HLF: variants seen among roughly 807,000 people sequenced by gnomAD.
HLF encodes the protein HLF transcription factor, PAR bZIP family member.
In HLF, 3 loss-of-function variants were observed where a neutral mutation model predicts 22.6. The observed-to-expected ratio is 0.13, with a 90% CI of 0.06 to 0.34. The LOEUF is 0.34. HLF is among the 10% of genes least tolerant of loss of function. The pLI is 1.00. For missense variants in HLF, 299 were observed against 389.2 expected (o/e 0.77, Z 1.95); for synonymous variants, 151 against 151.8 (o/e 0.99, Z 0.04).
intron 2 of HLF, among the ~76,000 whole-genome samples, chr17:55,289,160 T>C (rs957430190): frequency 2.6e-5 from 4 of 152,220 alleles, no homozygotes; most frequent in Non-Finnish European, 4.4e-5. Context: ...GTTTACAGAA[T>C]GGCATGTCTC....
chr17:55,316,593 A>G (rs1044558905), intron 3 of HLF, among the ~76,000 whole-genome samples: 1 of 152,232 alleles, frequency 6.6e-6, no homozygotes, highest in Non-Finnish European at 1.5e-5. Flanking sequence ...TTTGTCCAAA[A>G]TTACCACTTG....
intron 2 of HLF, among the ~76,000 whole-genome samples, chr17:55,299,153 A>C (rs1010740765): frequency 1.5e-4 from 23 of 152,238 alleles, no homozygotes; most frequent in African/African-American, 5.5e-4. Flanking sequence ...CGTACCCCAA[A>C]TGAGATGCCA....
chr17:55,319,479 G>C (rs557385629), intron 3 of HLF, among the ~76,000 whole-genome samples: 1 of 151,804 alleles, frequency 6.6e-6, no homozygotes, highest in East Asian at 2.0e-4. Context: ...CACCATCAGT[G>C]AATTGGGAAG....
At chr17:55,283,170 A>C (rs1269120059) in intron 2 of HLF, among the ~76,000 whole-genome samples, 1 of 152,030 alleles carries the variant, frequency 6.6e-6, no homozygotes, top group Non-Finnish European at 1.5e-5. Context: ...CCCAGGGCCC[A>C]CTGCTGGCTC....
At chr17:55,308,703 G>A (rs1904692822) in intron 2 of HLF, among the ~76,000 whole-genome samples, 1 of 152,206 alleles carries the variant, frequency 6.6e-6, no homozygotes, top group South Asian at 2.1e-4. Flanking sequence ...TATTGTGGGT[G>A]TAAACACTCT....
intron 2 of HLF, among the ~76,000 whole-genome samples, chr17:55,270,895 G>T (rs1009251852): frequency 2.0e-5 from 3 of 152,108 alleles, no homozygotes; most frequent in Admixed American, 6.5e-5. Context: ...GCCCGCCTCG[G>T]CCTCCCAAAG....
intron 2 of HLF, among the ~76,000 whole-genome samples, chr17:55,309,967 C>T (rs1904755791): frequency 6.6e-6 from 1 of 152,192 alleles, no homozygotes. Context: ...TTGATGGCTG[C>T]TTGCTAATGA....
At chr17:55,313,537 G>A (rs536598165) in intron 2 of HLF, among the ~76,000 whole-genome samples, 1 of 152,278 alleles carries the variant, frequency 6.6e-6, no homozygotes, top group African/African-American at 2.4e-5. Flanking sequence ...GCACATGCCT[G>A]TGTAAGAATG....
intron 1 of HLF, among the ~76,000 whole-genome samples, chr17:55,266,466 C>G (rs958849263): frequency 6.6e-6 from 1 of 152,172 alleles, no homozygotes; most frequent in African/African-American, 2.4e-5. Context: ...GCGAACCGTG[C>G]GGCTCACAGT....
intron 2 of HLF, among the ~76,000 whole-genome samples, chr17:55,273,302 A>T (rs1432269806): frequency 6.6e-6 from 1 of 152,178 alleles, no homozygotes; most frequent in African/African-American, 2.4e-5. Flanking sequence ...ATAAGATCGC[A>T]TGTGACAAGT....
chr17:55,300,511 A>T lies in HLF; in HGVS notation c.452-14716A>T, dbSNP rs754116340. ...TAGGCTTCTTCATCTGGGCATCTGAAACTCAATGGATCCACAATGAGACAT... is the reference window on the plus strand; with the variant it reads ...TAGGCTTCTTCATCTGGGCATCTGATACTCAATGGATCCACAATGAGACAT... On this transcript the variant is annotated intron_variant, in intron 2 of 3. Transcript: ENST00000226067. 2.5e-4 allele frequency among the ~76,000 whole-genome samples: 38 copies of T among 152,184 alleles called. 1 individual carries two copies. The highest frequency in any genetic ancestry group is 3.2e-3 in the Middle Eastern group (1 of 316).
intron 2 of HLF, among the ~76,000 whole-genome samples, chr17:55,276,886 G>A (rs538095943): frequency 6.6e-4 from 100 of 152,316 alleles, no homozygotes; most frequent in African/African-American, 2.1e-3. Context: ...TGGCAAGCCA[G>A]GATTTCCTTA....
rs575311520 is a variant in HLF at position 55,298,355 on chromosome 17, C to T, written c.452-16872C>T. Reference sequence around the variant, plus strand: ...TCCTGGTGGGCATGGGCTTGAGAAGCTGAAAGAAGACGCATGGAACTCAGA... The same window carrying T: ...TCCTGGTGGGCATGGGCTTGAGAAGTTGAAAGAAGACGCATGGAACTCAGA... On this transcript the variant is annotated intron_variant, in intron 2 of 3. Coordinates refer to ENST00000226067, the MANE Select transcript of HLF (RefSeq NM_002126.5). 1.8e-3 allele frequency among the ~76,000 whole-genome samples: 278 copies of T among 152,220 alleles called. 1 individual carries two copies. Among genetic ancestry groups the T allele is most frequent in the African/African-American group, 6.4e-3 (266 of 41,514 alleles).
In HLF at chr17:55,321,050, C is replaced by T; in HGVS notation, c.*171C>T. On this transcript the variant is annotated 3_prime_UTR_variant, in exon 4 of 4. Transcript: ENST00000226067. ...GTGTGTGCGTGTATATGTGCTTGTG[C>T]TCATGTGTGTGGTCAGCGGTATGTG... The T allele has an allele frequency of 5.0e-6, 3 of 605,752 alleles. No homozygotes were observed. Among genetic ancestry groups the T allele is most frequent in the Non-Finnish European group, 5.9e-6 (2 of 337,030 alleles). The allele number at this position is 605,752 out of a possible 1,614,324, so 37.5% of individuals were successfully genotyped here.
In HLF at chr17:55,275,988, G is replaced by A. The variant is rs2080901328; in HGVS notation, c.451+7902G>A. Among the ~76,000 whole-genome samples the A allele has an allele frequency of 2.0e-5, 3 of 152,240 alleles. No homozygotes were observed. In the South Asian group the frequency reaches 6.2e-4, roughly 32 times the overall value. The stretch of plus-strand genomic sequence containing the variant: ...CTGGATATGGTGGCACGTGCCTGTA[G>A]TCTTGGCTACTTGGGAGGCTGAGGC... On this transcript the variant is annotated intron_variant, in intron 2 of 3. Transcript: ENST00000226067.
chr17:55,267,260 T>C (rs973471022), intron 1 of HLF, among the ~76,000 whole-genome samples: 24 of 152,152 alleles, frequency 1.6e-4, no homozygotes, highest in African/African-American at 5.6e-4. Flanking sequence ...TAAAGAAGGG[T>C]GGAAGGTCCC....
In HLF at chr17:55,315,212, C is replaced by G; in HGVS notation, c.452-15C>G. On this transcript the variant is annotated splice_polypyrimidine_tract_variant and intron_variant, in intron 2 of 3. Transcript: ENST00000226067. ...TCTAGGGTGTTCATGAATTAAAACT[C>G]CTGTGTTGTTCCAGGTCAGCTGTTG... 1 of 1,610,136 alleles carries G rather than the reference C, an allele frequency of 6.2e-7. No homozygotes were observed. The highest frequency in any genetic ancestry group is 8.5e-7 in the Non-Finnish European group (1 of 1,176,670).
At position 55,267,732 on chromosome 17, in the gene HLF, G is replaced by T; in HGVS notation, c.116-19G>T. 6.7e-7 allele frequency: 1 copy of T among 1,497,346 alleles called. No individual in the cohort carries two copies. Among genetic ancestry groups the T allele is most frequent in the Non-Finnish European group, 9.0e-7 (1 of 1,107,760 alleles). The allele number at this position is 1,497,346 out of a possible 1,614,324, so 92.8% of individuals were successfully genotyped here. A position where few individuals can be genotyped will look rare whatever the true frequency, so the allele number is the denominator to read the frequency against. The stretch of plus-strand genomic sequence containing the variant: ...TTTTCTTTCTTTTTTTTTAAGTCCA[G>T]CTTTCCCTTCTTCTGCAGCATTTAG... On this transcript the variant is annotated intron_variant, in intron 1 of 3. Coordinates refer to ENST00000226067, the MANE Select transcript of HLF (RefSeq NM_002126.5).
intron 2 of HLF, among the ~76,000 whole-genome samples, chr17:55,291,438 G>C (rs1012521535): frequency 6.6e-6 from 1 of 152,162 alleles, no homozygotes; most frequent in Non-Finnish European, 1.5e-5. Context: ...CTCTGTAAAT[G>C]GAACAGCAAA....
Sources: gnomAD v4.1 joint callset for allele counts (sites outside exome capture counted in the v4.1 genomes callset) on GRCh38, gnomAD v4.1.1 for gene constraint, MANE v1.5 for transcripts, NCBI Gene and HGNC (gene_info 2026-07-23, HGNC 2026-07-21) for gene names.